Variants in CDH13 observed in about 807,000 individuals in gnomAD.
The protein encoded by CDH13 is cadherin-13.
Under a neutral mutation model 63.8 loss-of-function variants are expected in CDH13, and 24 were observed. That is an observed-to-expected ratio of 0.38 (90% CI 0.27 to 0.53). The LOEUF is 0.53. CDH13 is among the 20% of genes least tolerant of loss of function. The probability of loss-of-function intolerance (pLI) is 0.85; values close to 1 mark genes in which losing one functional copy is unlikely to be tolerated. For synonymous variants in CDH13, 503 were observed against 355.3 expected (o/e 1.42, Z -4.67); for missense variants, 1,049 against 903.1 (o/e 1.16, Z -2.07).
At chr16:83,065,258 G>C (rs984006127) in intron 3 of CDH13, among the ~76,000 whole-genome samples, 3 of 152,152 alleles carry the variant, frequency 2.0e-5, no homozygotes, top group African/African-American at 7.2e-5. Context: ...AAAGCTTGAA[G>C]GTAGAAGAAA....
chr16:83,154,172 C>T (rs1310290319), intron 4 of CDH13, among the ~76,000 whole-genome samples: 3 of 152,096 alleles, frequency 2.0e-5, no homozygotes, highest in African/African-American at 7.2e-5. Flanking sequence ...TGTCGTTTGC[C>T]ATGACACGAG....
At chr16:82,721,951 C>T (rs1264072836) in intron 1 of CDH13, among the ~76,000 whole-genome samples, 2 of 151,988 alleles carry the variant, frequency 1.3e-5, no homozygotes, top group Non-Finnish European at 2.9e-5. Flanking sequence ...GTAGTTGGGG[C>T]GTGTCACATG....
chr16:82,685,297 C>T (rs1914951189), intron 1 of CDH13, among the ~76,000 whole-genome samples: 1 of 152,184 alleles, frequency 6.6e-6, no homozygotes, highest in Non-Finnish European at 1.5e-5. Context: ...GTCCCGCTTT[C>T]CTCATCCATG....
intron 1 of CDH13, among the ~76,000 whole-genome samples, chr16:82,799,894 G>C (rs908245583): frequency 1.3e-5 from 2 of 152,128 alleles, no homozygotes; most frequent in African/African-American, 4.8e-5. Flanking sequence ...CAGGCTTTTA[G>C]CTGTCAGAAT....
At chr16:82,837,249 C>T (rs2038805267) in intron 1 of CDH13, among the ~76,000 whole-genome samples, 1 of 152,164 alleles carries the variant, frequency 6.6e-6, no homozygotes, top group African/African-American at 2.4e-5. Context: ...ATTACTTTGT[C>T]TGTAAAATAG....
intron 1 of CDH13, among the ~76,000 whole-genome samples, chr16:82,743,137 A>T (rs973368379): frequency 2.0e-4 from 31 of 152,240 alleles, no homozygotes; most frequent in Non-Finnish European, 3.8e-4. Context: ...AATGATTTTT[A>T]AAAATGTAGA....
intron 1 of CDH13, among the ~76,000 whole-genome samples, chr16:82,665,509 C>T (rs537203968): frequency 6.6e-6 from 1 of 152,270 alleles, no homozygotes; most frequent in East Asian, 1.9e-4. Flanking sequence ...ATGGTGACTT[C>T]ATAGAACATA....
At chr16:83,192,547 C>G (rs1016656433) in intron 4 of CDH13, among the ~76,000 whole-genome samples, 2 of 152,090 alleles carry the variant, frequency 1.3e-5, no homozygotes, top group Non-Finnish European at 2.9e-5. Flanking sequence ...AGAGCTGTAT[C>G]CAAAGAAGAA....
chr16:82,637,386 G>C (rs1442391626), intron 1 of CDH13, among the ~76,000 whole-genome samples: 1 of 145,906 alleles, frequency 6.9e-6, no homozygotes, highest in Admixed American at 6.8e-5. Context: ...ACTCACCTAG[G>C]TACTTTATCC....
chr16:83,206,891 CT>C (rs1177953770), intron 4 of CDH13, among the ~76,000 whole-genome samples: 4 of 51,268 alleles, frequency 7.8e-5, no homozygotes, highest in African/African-American at 1.8e-4. Flanking sequence ...TTGACCTTCT[CT>C]GTGCATTCAA....
chr16:83,772,703 C>G (rs145818721), intron 11 of CDH13: 125 of 152,332 alleles, frequency 8.2e-4, no homozygotes, highest in African/African-American at 2.8e-3. Context: ...CCTGGTGTGA[C>G]ATGACCATTC....
At chr16:83,341,308 G>A (rs2090717073) in intron 5 of CDH13, among the ~76,000 whole-genome samples, 1 of 152,212 alleles carries the variant, frequency 6.6e-6, no homozygotes, top group Non-Finnish European at 1.5e-5. Flanking sequence ...TCTGATACTG[G>A]AGGATGCGCT....
chr16:83,103,858 A>G (rs534922155), intron 3 of CDH13, among the ~76,000 whole-genome samples: 1 of 152,330 alleles, frequency 6.6e-6, no homozygotes, highest in African/African-American at 2.4e-5. Context: ...ATTGATGTTT[A>G]AAAAAATTTT....
chr16:82,893,819 C>T (rs779313814), intron 2 of CDH13, among the ~76,000 whole-genome samples: 2 of 152,126 alleles, frequency 1.3e-5, no homozygotes, highest in South Asian at 2.1e-4. Context: ...GAGACACTTG[C>T]CTTCTTTCCA....
intron 1 of CDH13, among the ~76,000 whole-genome samples, chr16:82,765,849 C>T (rs895566160): frequency 5.3e-5 from 8 of 152,066 alleles, no homozygotes; most frequent in Non-Finnish European, 7.3e-5. Context: ...ATATTGGTTT[C>T]TTCTTATAAT....
chr16:83,256,674 C>CAAAAAAA (rs59651612), intron 5 of CDH13, among the ~76,000 whole-genome samples: 5 of 115,648 alleles, frequency 4.3e-5, no homozygotes, highest in Non-Finnish European at 7.0e-5. Flanking sequence ...TACTAAAATA[C>CAAAAAAA]AAAAAAAAAA....
chr16:83,533,547 T>G (rs1006372214), intron 7 of CDH13, among the ~76,000 whole-genome samples: 2 of 151,032 alleles, frequency 1.3e-5, no homozygotes, highest in African/African-American at 2.4e-5. Flanking sequence ...CACAAGGAGG[T>G]GGTGGAATGG....
chr16:83,787,212 G>A (rs563592050), intron 13 of CDH13, among the ~76,000 whole-genome samples: 5 of 152,228 alleles, frequency 3.3e-5, no homozygotes, highest in African/African-American at 9.6e-5. Flanking sequence ...GTCCATCCAC[G>A]TTGCTCTAAT....
chr16:82,912,547 G>C (rs144247868), intron 2 of CDH13, among the ~76,000 whole-genome samples: 1 of 152,194 alleles, frequency 6.6e-6, no homozygotes, highest in Non-Finnish European at 1.5e-5. Context: ...AGGTGGGAAA[G>C]TACATAAAAT....
Sources: allele counts gnomAD v4.1 joint callset (sites outside exome capture counted in the v4.1 genomes callset), GRCh38; gene constraint gnomAD v4.1.1; transcripts MANE v1.5; gene names NCBI Gene and HGNC (gene_info 2026-07-23, HGNC 2026-07-21).